Variants in PCDHGB1 observed in about 807,000 individuals in gnomAD.
PCDHGB1 encodes protocadherin gamma-B1.
PCDHGB1 carries 34 observed loss-of-function variants against 56.6 expected under a neutral mutation model. That is an observed-to-expected ratio of 0.60 (90% CI 0.46 to 0.80). The LOEUF (loss-of-function observed/expected upper bound fraction) is 0.80. Among genes scored for constraint, PCDHGB1 ranks in the 30% least tolerant of loss-of-function variants. The probability of loss-of-function intolerance (pLI) is 0.00; values close to 1 mark genes in which losing one functional copy is unlikely to be tolerated. For missense variants in PCDHGB1, 1,278 were observed against 1,204.6 expected (o/e 1.06, Z -0.90); for synonymous variants, 561 against 505.9 (o/e 1.11, Z -1.46).
chr5:141,361,847 G>C (rs763425262), intron 1 of PCDHGB1: 9 of 1,612,662 alleles, frequency 5.6e-6, no homozygotes. Flanking sequence ...GGGCCTGATG[G>C]CTCCGCCCTC....
chr5:141,377,666 T>C (rs1416026384), intron 1 of PCDHGB1: 1 of 152,116 alleles, frequency 6.6e-6, no homozygotes, highest in Admixed American at 6.5e-5. Context: ...ACGACAGACG[T>C]TCATACAAGA....
chr5:141,485,714 G>C lies in PCDHGB1; in HGVS notation c.2410-9093G>C, dbSNP rs896709540. 6.2e-7 allele frequency: 1 copy of C among 1,614,064 alleles called. No homozygotes were observed. Among genetic ancestry groups the C allele is most frequent in the Non-Finnish European group, 8.5e-7 (1 of 1,180,050 alleles). On this transcript the variant is annotated intron_variant, in intron 1 of 3. Coordinates refer to ENST00000523390, the MANE Select transcript of PCDHGB1 (RefSeq NM_018922.3). The surrounding 1 kb of genome is among the most constrained non-coding windows in gnomAD (Gnocchi z 5.7). The stretch of plus-strand genomic sequence containing the variant: ...GAGCTCCAATGAACACTTTGCACTG[G>C]ATGTGAAGAAGCGCAGCGACGGCAG...
intron 1 of PCDHGB1, among the ~76,000 whole-genome samples, chr5:141,459,109 C>A (rs1213203625): frequency 6.6e-6 from 1 of 152,174 alleles, no homozygotes; most frequent in Non-Finnish European, 1.5e-5. Context: ...TGCATTTTGA[C>A]AATTGTTTAC....
Position 141,486,534 on chromosome 5 carries a change from C to G in PCDHGB1, c.2410-8273C>G. The stretch of plus-strand genomic sequence containing the variant: ...TCAGATGTGAATGATAATCCACCCT[C>G]TTTCTTTCAGAGGTCACATGAGGTG... On this transcript the variant is annotated intron_variant, in intron 1 of 3. Transcript: ENST00000523390. The surrounding 1 kb of genome is among the most constrained non-coding windows in gnomAD (Gnocchi z 5.0). 1 of 1,614,176 alleles carries G rather than the reference C, an allele frequency of 6.2e-7. No individual in the cohort carries two copies. Among genetic ancestry groups the G allele is most frequent in the Non-Finnish European group, 8.5e-7 (1 of 1,180,030 alleles).
chr5:141,418,105 G>A lies in PCDHGB1; in HGVS notation c.2409+65436G>A, dbSNP rs971913143. On this transcript the variant is annotated intron_variant, in intron 1 of 3. Transcript: ENST00000523390. ...ACTTCAGCGTAGACGCGCAGAGCGG[G>A]GACTTACTTGTGAAGGACCGAATAG... 5 of 1,614,062 alleles carry A rather than the reference G, an allele frequency of 3.1e-6. No homozygotes were observed. The East Asian group carries it at 8.9e-5, about 29-fold the overall frequency.
intron 1 of PCDHGB1, among the ~76,000 whole-genome samples, chr5:141,445,156 GT>G (rs1248104914): frequency 6.6e-6 from 1 of 152,018 alleles, no homozygotes; most frequent in Non-Finnish European, 1.5e-5. Flanking sequence ...TTCATTTCTA[GT>G]TTACAGAAAA....
intron 1 of PCDHGB1, among the ~76,000 whole-genome samples, chr5:141,425,922 A>G (rs1485934946): frequency 6.6e-6 from 1 of 152,240 alleles, no homozygotes; most frequent in Non-Finnish European, 1.5e-5. Context: ...TCACTACGAA[A>G]ACTCATAAAA....
At chr5:141,375,833 C>T (rs1269856662) in intron 1 of PCDHGB1, 2 of 1,614,034 alleles carry the variant, frequency 1.2e-6, no homozygotes, top group Non-Finnish European at 1.7e-6. Flanking sequence ...CTCCGCAGAG[C>T]CCGGCTACCT....
rs767108870 is a variant in PCDHGB1 at position 141,485,169 on chromosome 5, C to T, written c.2410-9638C>T. On this transcript the variant is annotated intron_variant, in intron 1 of 3. Transcript: ENST00000523390. This position sits in a 1 kb window ranked among gnomAD's most constrained non-coding sequence, Gnocchi z 5.7. ...GAGCAAGTAGAGAATTAGCGGGCGG[C>T]AGCAATGCTCCGCAAGGTGAGAAGC... The T allele has an allele frequency of 6.2e-7, 1 of 1,608,524 alleles. No homozygotes were observed. Among genetic ancestry groups the T allele is most frequent in the South Asian group, 1.1e-5 (1 of 90,730 alleles).
chr5:141,372,235 C>T lies in PCDHGB1; in HGVS notation c.2409+19566C>T. The T allele has an allele frequency of 6.2e-7, 1 of 1,613,342 alleles. No homozygotes were observed. The highest frequency in any genetic ancestry group is 1.7e-5 in the Admixed American group (1 of 60,020). On this transcript the variant is annotated intron_variant, in intron 1 of 3. Coordinates refer to ENST00000523390, the MANE Select transcript of PCDHGB1 (RefSeq NM_018922.3). ...TACCACATTGTGCAGGCCAGCGAGC[C>T]CGGGCTGTTCAGCCTGGGCCTGCGC... is the stretch of plus-strand genomic sequence containing the variant.
chr5:141,409,600 G>A (rs778681839), intron 1 of PCDHGB1: 1 of 1,613,764 alleles, frequency 6.2e-7, no homozygotes. Context: ...AGAACAACCC[G>A]CCAGGAGCCT....
At chr5:141,433,395 C>CTATA (rs1426636882) in intron 1 of PCDHGB1, among the ~76,000 whole-genome samples, 2 of 150,654 alleles carry the variant, frequency 1.3e-5, no homozygotes, top group African/African-American at 4.9e-5. Context: ...ATCTATCTAT[C>CTATA]TATCTATCTA....
chr5:141,413,358 G>C, intron 1 of PCDHGB1: 1 of 1,613,972 alleles, frequency 6.2e-7, no homozygotes, highest in Non-Finnish European at 8.5e-7. Flanking sequence ...TGGCGCCCCG[G>C]GAGCTGGCGG....
intron 1 of PCDHGB1, chr5:141,376,193 T>C: frequency 6.2e-7 from 1 of 1,614,164 alleles, no homozygotes; most frequent in East Asian, 2.2e-5. Flanking sequence ...CTCCTGCGTC[T>C]TCCTGGCCTT....
rs539038497 is a variant in PCDHGB1 at position 141,420,464 on chromosome 5, C to T, written c.2409+67795C>T. 2.0e-4 allele frequency: 164 copies of T among 801,490 alleles called. 1 individual carries two copies. In the South Asian group the frequency reaches 6.4e-3, roughly 31 times the overall value. 49.6% of individuals were successfully genotyped at this position (801,490 alleles called of 1,614,324 possible). ...CCTCAGTCTTCCTACTATTCAAAGA[C>T]ATTTTAAAGCAAACTACATGGGTAA... On this transcript the variant is annotated intron_variant, in intron 1 of 3. Transcript: ENST00000523390.
chr5:141,445,048 A>G (rs1364884310), intron 1 of PCDHGB1, among the ~76,000 whole-genome samples: 4 of 152,234 alleles, frequency 2.6e-5, no homozygotes, highest in Non-Finnish European at 5.9e-5. Flanking sequence ...TTTTCAGTGT[A>G]GAGAGGTCAT....
At chr5:141,409,743 T>C in intron 1 of PCDHGB1, 2 of 1,613,048 alleles carry the variant, frequency 1.2e-6, no homozygotes, top group Non-Finnish European at 1.7e-6. Flanking sequence ...AGCGGGGTGG[T>C]GTTCGCGCAG....
chr5:141,405,437 T>A, intron 1 of PCDHGB1: 1 of 1,433,230 alleles, frequency 7.0e-7, no homozygotes, highest in Non-Finnish European at 9.6e-7. Context: ...GTTTTGTTTT[T>A]GAGACAGAGT....
chr5:141,490,948 G>T lies in PCDHGB1; in HGVS notation c.2410-3859G>T. 1 of 1,613,756 alleles carries T rather than the reference G, an allele frequency of 6.2e-7. No homozygotes were observed. The highest frequency in any genetic ancestry group is 8.5e-7 in the Non-Finnish European group (1 of 1,179,810). On this transcript the variant is annotated intron_variant, in intron 1 of 3. Coordinates refer to ENST00000523390, the MANE Select transcript of PCDHGB1 (RefSeq NM_018922.3). The surrounding 1 kb of genome is among the most constrained non-coding windows in gnomAD (Gnocchi z 5.4). The stretch of plus-strand genomic sequence containing the variant: ...CCCAGCTGTGCTGCACCCACGGCCA[G>T]ACTGGGAACACTCAGCCCCCCAGCG...
Sources: gnomAD v4.1 joint callset for allele counts (sites outside exome capture counted in the v4.1 genomes callset) on GRCh38, gnomAD v4.1.1 for gene constraint, Gnocchi (gnomAD v3.1) non-coding constraint, MANE v1.5 for transcripts, NCBI Gene and HGNC (gene_info 2026-07-23, HGNC 2026-07-21) for gene names.